The following IRS2 variants were observed in gnomAD, a reference collection of about 807,000 sequenced individuals.
The protein encoded by IRS2 is insulin receptor substrate 2.
Under a neutral mutation model 70.9 loss-of-function variants are expected in IRS2, and 28 were observed. The ratio of observed to expected loss-of-function variants is 0.39; its 90% CI spans 0.29 to 0.54. IRS2 has a LOEUF of 0.54. Ranked by LOEUF, IRS2 falls within the 20% of genes least tolerant of loss-of-function variation. The probability of loss-of-function intolerance (pLI) is 0.59; values close to 1 mark genes in which losing one functional copy is unlikely to be tolerated. For missense variants in IRS2, 2,081 were observed against 2,024.1 expected (o/e 1.03, Z -0.54); for synonymous variants, 1,217 against 981.9 (o/e 1.24, Z -4.48).
chr13:109,757,931 T>G (rs1331557734), intron 1 of IRS2, among the ~76,000 whole-genome samples: 1 of 152,048 alleles, frequency 6.6e-6, no homozygotes, highest in Admixed American at 6.5e-5. Context: ...ATCCACCCAC[T>G]TAGGCCTCCC....
rs1269473219 is a variant in IRS2, at chr13:109,784,060, C to T, written c.1994G>A (p.Ser665Asn). Reference sequence around the variant, plus strand: ...GTCGCTCCTGCAGCTGCCGCTCCCACTGCCCGCGAGGGCCGCGCCGGGCGT... The same window carrying T: ...GTCGCTCCTGCAGCTGCCGCTCCCATTGCCCGCGAGGGCCGCGCCGGGCGT... ...PMTPGAALAG[S>N]GSGSCRSDDY... The change falls in exon 1 of 2, where the codon AGT (serine) becomes AAT (asparagine). Residue 665 changes from serine (S) to asparagine (N), a missense_variant. By Grantham distance (46) the Ser-to-Asn change is conservative (BLOSUM62 1). Coordinates refer to ENST00000375856, the MANE Select transcript of IRS2 (RefSeq NM_003749.3). This position sits in a 1 kb window ranked among gnomAD's most constrained non-coding sequence, Gnocchi z 5.2. The T allele has an allele frequency of 3.2e-6, 5 of 1,557,348 alleles. No homozygotes were observed. The highest frequency in any genetic ancestry group is 4.3e-6 in the Non-Finnish European group (5 of 1,157,672).
rs1468111954 is a variant in IRS2 at position 109,783,514 on chromosome 13, G to T, written c.2540C>A (p.Pro847His). The T allele has an allele frequency of 6.5e-7, 1 of 1,547,800 alleles. No homozygotes were observed. The highest frequency in any genetic ancestry group is 1.2e-5 in the South Asian group (1 of 83,970). Reference protein sequence around the residue: ...ERLEPQATPGPSQAASAFGAG... With the variant: ...ERLEPQATPGHSQAASAFGAG... ...CCCGAAGGCGCTGGCCGCCTGGCTG[G>T]GCCCTGGCGTGGCCTGAGGCTCCAG... is the stretch of plus-strand genomic sequence containing the variant. Residue 847 changes from proline to histidine, a missense_variant, in exon 1 of 2, where the codon CCC (proline) becomes CAC (histidine). This residue lies in a region of IRS2 where 1,615 missense variants were observed against 1,459.5 expected (regional missense o/e 1.11). Coordinates refer to ENST00000375856, the MANE Select transcript of IRS2 (RefSeq NM_003749.3).
In IRS2 at chr13:109,782,726, G is replaced by T; in HGVS notation, c.3328C>A (p.Leu1110Ile). ...SPTSGVKRLS[L>I]MEQVSGVEAF... ...TCGACTCCCGACACCTGCTCCATGA[G>T]GCTCAGCCTCTTCACGCCCGACGTC... The change falls in exon 1 of 2, where the codon CTC (leucine) becomes ATC (isoleucine). Residue 1110 changes from leucine to isoleucine, a missense_variant. Physicochemically the swap from Leu to Ile is conservative, Grantham distance 5. Transcript: ENST00000375856. 1 of 1,596,730 alleles carries T rather than the reference G, an allele frequency of 6.3e-7. No homozygotes were observed. The highest frequency in any genetic ancestry group is 1.7e-5 in the Admixed American group (1 of 58,224).
In IRS2 at chr13:109,785,512, TCGGCCCCGG is replaced by T. The variant is rs773497050; in HGVS notation, c.533_541del (p.Ala178_Ala180del). On this transcript the variant is annotated inframe_deletion, in exon 1 of 2. Coordinates refer to ENST00000375856, the MANE Select transcript of IRS2 (RefSeq NM_003749.3). This position sits in a 1 kb window ranked among gnomAD's most constrained non-coding sequence, Gnocchi z 9.3. ...GGGAGCCACCAGCCCGTAGCTGTCC[TCGGCCCCGG>T]CGGCGCCGGCAGAGCCGCCCAGGGC... is the stretch of plus-strand genomic sequence containing the variant. The T allele has an allele frequency of 1.9e-6, 3 of 1,606,666 alleles. No homozygotes were observed. The highest frequency in any genetic ancestry group is 1.7e-4 in the Middle Eastern group (1 of 5,884).
intron 1 of IRS2, among the ~76,000 whole-genome samples, chr13:109,765,187 C>T (rs1431933985): frequency 6.6e-6 from 1 of 152,208 alleles, no homozygotes; most frequent in African/African-American, 2.4e-5. Flanking sequence ...TGCAGGCCGA[C>T]ATTTAAGTTC....
In IRS2 at chr13:109,752,987, G is replaced by GT. The variant is rs1358733971; in HGVS notation, c.*3316dup. 3 of 137,248 alleles carry GT rather than the reference G, an allele frequency of 2.2e-5. No homozygotes were observed. Among genetic ancestry groups the GT allele is most frequent in the Non-Finnish European group, 3.1e-5 (2 of 65,324 alleles). The allele number at this position is 137,248 out of a possible 1,614,324, so 8.5% of individuals were successfully genotyped here. On this transcript the variant is annotated 3_prime_UTR_variant, in exon 2 of 2. Transcript: ENST00000375856. ...TTTTTTTTTTTTTTTTTGAGACGGA[G>GT]TTTCGCTCTTGTTGCCCAGGCTGGA...
intron 1 of IRS2, among the ~76,000 whole-genome samples, chr13:109,773,190 A>G (rs1331473520): frequency 6.6e-6 from 1 of 152,206 alleles, no homozygotes; most frequent in Non-Finnish European, 1.5e-5. Context: ...GAGAATTAAA[A>G]AAAAAGAAAA....
intron 1 of IRS2, among the ~76,000 whole-genome samples, chr13:109,781,604 A>T (rs1877700983): frequency 6.6e-6 from 1 of 152,190 alleles, no homozygotes. Context: ...AGCTCCAGGA[A>T]CACAGGGAAA....
chr13:109,784,335 C>T lies in IRS2; in HGVS notation c.1719G>A (p.Lys573=). ...AAQDLDRGLR[K]RTYSLTTPAR... is the part of the protein sequence containing the mutation. ...CTGGCGTGGTCAGGGAGTAGGTCCTCTTGCGCAGCCCTCGGTCCAGGTCCT... is the reference window on the plus strand; with the variant it reads ...CTGGCGTGGTCAGGGAGTAGGTCCTTTTGCGCAGCCCTCGGTCCAGGTCCT... Residue 573 remains lysine, a synonymous_variant, in exon 1 of 2, where the codon AAG becomes AAA. Transcript: ENST00000375856. This position sits in a 1 kb window ranked among gnomAD's most constrained non-coding sequence, Gnocchi z 5.2. 6.2e-7 allele frequency: 1 copy of T among 1,608,268 alleles called. No individual in the cohort carries two copies. Among genetic ancestry groups the T allele is most frequent in the South Asian group, 1.1e-5 (1 of 90,956 alleles).
chr13:109,785,099 C>T lies in IRS2; in HGVS notation c.955G>A (p.Val319Ile), dbSNP rs1371079692. 6.9e-6 allele frequency: 11 copies of T among 1,588,018 alleles called. No homozygotes were observed. Among genetic ancestry groups the T allele is most frequent in the South Asian group, 1.1e-5 (1 of 87,746 alleles). Reference protein sequence around the residue: ...SGSSATHPISVPGARRHHHLV... With the variant: ...SGSSATHPISIPGARRHHHLV... ...TGGTGGTGGCGGCGCGCGCCGGGGA[C>T]GCTGATGGGGTGCGTGGCCGACGAC... is the stretch of plus-strand genomic sequence containing the variant. The change falls in exon 1 of 2, where the codon GTC becomes ATC. Residue 319 changes from valine (V) to isoleucine (I), a missense_variant. This residue lies in a region of IRS2 where 111 missense variants were observed against 133.1 expected (regional missense o/e 0.83). Transcript: ENST00000375856. This position sits in a 1 kb window ranked among gnomAD's most constrained non-coding sequence, Gnocchi z 9.3.
chr13:109,783,156 G>A lies in IRS2; in HGVS notation c.2898C>T (p.Ser966=), dbSNP rs1292256248. 23 of 1,379,252 alleles carry A rather than the reference G, an allele frequency of 1.7e-5. No homozygotes were observed. The highest frequency in any genetic ancestry group is 1.5e-4 in the East Asian group (5 of 33,530). 85.4% of individuals were successfully genotyped at this position (1,379,252 alleles called of 1,614,324 possible). ...SSLGSGTPGT[S]SDSRQRSPLS... Reference sequence around the variant, plus strand: ...GCGGAGACCGCTGCCGGCTGTCGCTGCTGGTGCCCGGGGTGCCTGAGCCCA... The same window carrying A: ...GCGGAGACCGCTGCCGGCTGTCGCTACTGGTGCCCGGGGTGCCTGAGCCCA... The change falls in exon 1 of 2, where the codon AGC becomes AGT. Residue 966 remains serine, a synonymous_variant. Coordinates refer to ENST00000375856, the MANE Select transcript of IRS2 (RefSeq NM_003749.3).
At position 109,755,010 on chromosome 13, in the gene IRS2, G is replaced by A. The variant is rs1289735150; in HGVS notation, c.*1294C>T. The A allele has an allele frequency of 8.8e-6, 2 of 226,780 alleles. No individual in the cohort carries two copies. Among genetic ancestry groups the A allele is most frequent in the South Asian group, 1.8e-4 (1 of 5,466 alleles). 14.0% of individuals were successfully genotyped at this position (226,780 alleles called of 1,614,324 possible). On this transcript the variant is annotated 3_prime_UTR_variant, in exon 2 of 2. Transcript: ENST00000375856. ...GCAGAAAACGGCAGAACATTCTGCC[G>A]GTCAAGTTCAGCAGTTTTAGGTAAC...
At position 109,774,917 on chromosome 13, in the gene IRS2, G is replaced by A. The variant is rs983510930; in HGVS notation, c.4012+7125C>T. Among the ~76,000 whole-genome samples, 9 of 152,042 alleles carry A rather than the reference G, an allele frequency of 5.9e-5. No individual in the cohort carries two copies. In the East Asian group the frequency reaches 7.7e-4, roughly 13 times the overall value. ...ATATTGATCAGAATAATGGTACATC[G>A]TCATTGCATTCAACTTCAATAAGAT... On this transcript the variant is annotated intron_variant, in intron 1 of 1. Transcript: ENST00000375856.
chr13:109,784,512 G>A lies in IRS2; in HGVS notation c.1542C>T (p.Cys514=), dbSNP rs2138936047. 3 of 1,543,914 alleles carry A rather than the reference G, an allele frequency of 1.9e-6. No individual in the cohort carries two copies. Among genetic ancestry groups the A allele is most frequent in the Non-Finnish European group, 8.7e-7 (1 of 1,146,696 alleles). ...GSSPGDLRAF[C]SHRSNTPESI... is the part of the protein sequence containing the mutation. ...ACTCGGGCGTGTTGCTTCGGTGGCTGCAGAAGGCGCGCAGGTCGCCTGGGC... is the reference window on the plus strand; with the variant it reads ...ACTCGGGCGTGTTGCTTCGGTGGCTACAGAAGGCGCGCAGGTCGCCTGGGC... Residue 514 remains cysteine (C), a synonymous_variant, in exon 1 of 2, where the codon TGC becomes TGT. Coordinates refer to ENST00000375856, the MANE Select transcript of IRS2 (RefSeq NM_003749.3). The surrounding 1 kb of genome is among the most constrained non-coding windows in gnomAD (Gnocchi z 5.2).
At chr13:109,764,828 C>A (rs750923661) in intron 1 of IRS2, among the ~76,000 whole-genome samples, 3 of 152,234 alleles carry the variant, frequency 2.0e-5, no homozygotes, top group Non-Finnish European at 4.4e-5. Context: ...TGCACAAAAA[C>A]AATGGCAAAT....
In IRS2 at chr13:109,784,405, C is replaced by T. The variant is rs1455131897; in HGVS notation, c.1649G>A (p.Ser550Asn). The T allele has an allele frequency of 1.2e-6, 2 of 1,610,386 alleles. No individual in the cohort carries two copies. ...CCGGCGGTAGGAGCGGCCACAGTGGCTCAGGGGCCTGTCCATGGTCATGTA... is the reference window on the plus strand; with the variant it reads ...CCGGCGGTAGGAGCGGCCACAGTGGTTCAGGGGCCTGTCCATGGTCATGTA... ...YGYMTMDRPL[S>N]HCGRSYRRVS... is the part of the protein sequence containing the mutation. Residue 550 changes from serine (S) to asparagine (N), a missense_variant, in exon 1 of 2, where the codon AGC becomes AAC. By Grantham distance (46) the Ser-to-Asn change is conservative (BLOSUM62 1). Around this residue, in one of 4 missense-constraint regions of IRS2, gnomAD observed 1,615 missense variants for 1,459.5 expected, o/e 1.11. Transcript: ENST00000375856. This position sits in a 1 kb window ranked among gnomAD's most constrained non-coding sequence, Gnocchi z 5.2.
rs184775640 is a variant in IRS2, at chr13:109,754,448, C to T, written c.*1856G>A. ...AGCAGGGTCCATATTCAGTCCCTAT[C>T]GTACCTGGGGGGAGTTACAAAGCAA... On this transcript the variant is annotated 3_prime_UTR_variant, in exon 2 of 2. Coordinates refer to ENST00000375856, the MANE Select transcript of IRS2 (RefSeq NM_003749.3). The T allele has an allele frequency of 7.3e-5, 15 of 205,224 alleles. No individual in the cohort carries two copies. The highest frequency in any genetic ancestry group is 1.9e-4 in the South Asian group (1 of 5,316). The allele number at this position is 205,224 out of a possible 1,614,324, so 12.7% of individuals were successfully genotyped here. A position where few individuals can be genotyped will look rare whatever the true frequency, so the allele number is the denominator to read the frequency against.
At chr13:109,770,818 A>C (rs1367410770) in intron 1 of IRS2, among the ~76,000 whole-genome samples, 1 of 152,216 alleles carries the variant, frequency 6.6e-6, no homozygotes, top group Non-Finnish European at 1.5e-5. Context: ...CTCTCAATAC[A>C]TTGATTGGCT....
rs778133986 is a variant in IRS2 at position 109,783,512 on chromosome 13, T to C, written c.2542A>G (p.Ser848Gly). 5 of 1,547,732 alleles carry C rather than the reference T, an allele frequency of 3.2e-6. No homozygotes were observed. The Admixed American group carries it at 9.8e-5, about 30-fold the overall frequency. The change falls in exon 1 of 2, where the codon AGC (serine) becomes GGC (glycine). Residue 848 changes from serine (S) to glycine (G), a missense_variant. By Grantham distance (56) the Ser-to-Gly change is moderately conservative. Transcript: ENST00000375856. The stretch of plus-strand genomic sequence containing the variant: ...GCCCCGAAGGCGCTGGCCGCCTGGC[T>C]GGGCCCTGGCGTGGCCTGAGGCTCC... Reference protein sequence around the residue: ...RLEPQATPGPSQAASAFGAGP... With the variant: ...RLEPQATPGPGQAASAFGAGP...
Sources: gnomAD v4.1 joint callset for allele counts (sites outside exome capture counted in the v4.1 genomes callset) on GRCh38, gnomAD v4.1.1 for gene constraint, gnomAD v4.1.1 regional missense constraint, Gnocchi (gnomAD v3.1) non-coding constraint, MANE v1.5 for transcripts, NCBI Gene and HGNC (gene_info 2026-07-23, HGNC 2026-07-21) for gene names.